Variants in CWC15 observed in about 807,000 individuals in gnomAD.
CWC15 encodes the protein spliceosome-associated protein CWC15 homolog.
A neutral mutation model predicts 28.4 loss-of-function variants in CWC15; 12 were observed. That is an observed-to-expected ratio of 0.42 (90% CI 0.27 to 0.69). The LOEUF (loss-of-function observed/expected upper bound fraction) is 0.69. Ranked by LOEUF, CWC15 falls within the 30% of genes least tolerant of loss-of-function variation. The pLI is 0.23. For missense variants in CWC15, 192 were observed against 271.5 expected, an observed-to-expected ratio of 0.71 and a Z score of 2.06; for synonymous variants, 92 against 88.4, an observed-to-expected ratio of 1.04 and a Z score of -0.23.
chr11:94,964,197 T>A (rs1002191139), intron 6 of CWC15, among the ~76,000 whole-genome samples: 3 of 152,062 alleles, frequency 2.0e-5, no homozygotes, highest in Non-Finnish European at 2.9e-5. Context: ...TTTCAGAATA[T>A]CACCTAGCAT....
At chr11:94,964,350 T>A (rs7930488) in intron 6 of CWC15, among the ~76,000 whole-genome samples, 75,675 of 151,826 alleles carry the variant, frequency 0.5, 19,132 homozygotes, top group Non-Finnish European at 0.53. Flanking sequence ...AAGTGCACAA[T>A]GAGCAACAAA....
chr11:94,964,316 C>T (rs587637094), intron 6 of CWC15, among the ~76,000 whole-genome samples: 1 of 152,144 alleles, frequency 6.6e-6, no homozygotes, highest in Non-Finnish European at 1.5e-5. Flanking sequence ...TCAGGAGAAA[C>T]TGCACATGGG....
At position 94,963,325 on chromosome 11, in the gene CWC15, A is replaced by T. The variant is rs112129296; in HGVS notation, c.*60T>A. The T allele has an allele frequency of 7.3e-7, 1 of 1,363,806 alleles. No homozygotes were observed. The highest frequency in any genetic ancestry group is 1.5e-5 in the African/African-American group (1 of 67,310). The allele number at this position is 1,363,806 out of a possible 1,614,324, so 84.5% of individuals were successfully genotyped here. ...AGGGGAAAAGAAAAAAAAAACTCAT[A>T]AAAAAAGTCAGAATGATCCTTTACG... On this transcript the variant is annotated 3_prime_UTR_variant, in exon 7 of 7. Transcript: ENST00000279839.
At position 94,971,386 on chromosome 11, in the gene CWC15, C is replaced by T. The variant is rs868936687; in HGVS notation, c.233G>A (p.Arg78His). The part of the protein sequence containing the change: ...RAAAREKNRD[R>H]PTREHTTSSS... ...GATAGTGTTGGTACCTCGGGTTGGA[C>T]GATCCCTATTTTTCTCTCTTGCAGC... is the stretch of plus-strand genomic sequence containing the variant. Residue 78 changes from arginine (R) to histidine (H), a missense_variant, in exon 3 of 7, where the codon CGT becomes CAT. Arg to His is a conservative substitution (Grantham distance 29). Coordinates refer to ENST00000279839, the MANE Select transcript of CWC15 (RefSeq NM_016403.4). The T allele has an allele frequency of 5.0e-6, 8 of 1,610,404 alleles. No individual in the cohort carries two copies. The highest frequency in any genetic ancestry group is 2.2e-5 in the South Asian group (2 of 90,418).
intron 6 of CWC15, among the ~76,000 whole-genome samples, chr11:94,964,045 A>T (rs1391020104): frequency 6.6e-6 from 1 of 152,200 alleles, no homozygotes; most frequent in Non-Finnish European, 1.5e-5. Flanking sequence ...GATATGGCCC[A>T]CATATACATT....
At chr11:94,966,191 T>C (rs782134199) in intron 6 of CWC15, 104 bp downstream of exon 6, 2 of 672,794 alleles carry the variant, frequency 3.0e-6, no homozygotes, top group African/African-American at 1.9e-5. Context: ...ATCCAACTTA[T>C]AATCTGCATG....
intron 5 of CWC15, among the ~76,000 whole-genome samples, chr11:94,969,645 CAG>C (rs1857691519): frequency 1.3e-5 from 2 of 152,132 alleles, no homozygotes; most frequent in South Asian, 4.1e-4. Context: ...AGTAGACAAG[CAG>C]AGAGATAATC....
chr11:94,963,204 T>C lies in CWC15; in HGVS notation c.*181A>G. ...CTGGAAACATTTGGAGAATGCAAAC[T>C]GGGTTAAACCTATTCCCAAGTCCAT... On this transcript the variant is annotated 3_prime_UTR_variant, in exon 7 of 7. Coordinates refer to ENST00000279839, the MANE Select transcript of CWC15 (RefSeq NM_016403.4). 1 of 399,288 alleles carries C rather than the reference T, an allele frequency of 2.5e-6. No homozygotes were observed. The highest frequency in any genetic ancestry group is 4.5e-5 in the Admixed American group (1 of 22,146). 24.7% of individuals were successfully genotyped at this position (399,288 alleles called of 1,614,324 possible).
chr11:94,966,161 T>C (rs1228026501), intron 6 of CWC15, 134 bp downstream of exon 6: 5 of 579,692 alleles, frequency 8.6e-6, no homozygotes, highest in Non-Finnish European at 1.5e-5. Flanking sequence ...TTTTAGAAGC[T>C]TTTTACAATG....
intron 1 of CWC15, 104 bp from the exon 2 acceptor site, chr11:94,972,297 C>T: frequency 3.6e-6 from 4 of 1,101,854 alleles, no homozygotes; most frequent in Non-Finnish European, 5.1e-6. Flanking sequence ...AAAACTCATT[C>T]CCCAAAACCT....
At chr11:94,969,134 CTTTT>C (rs1189283131) in intron 5 of CWC15, among the ~76,000 whole-genome samples, 2 of 152,150 alleles carry the variant, frequency 1.3e-5, no homozygotes, top group Non-Finnish European at 2.9e-5. Context: ...ACTCAACCTC[CTTTT>C]TTATTTTTTC....
At chr11:94,970,904 A>G (rs1270242611) in intron 4 of CWC15, 73 bp downstream of exon 4, 1 of 1,242,586 alleles carries the variant, frequency 8.0e-7, no homozygotes, top group Admixed American at 1.7e-5. Context: ...TTCTTAAAGC[A>G]AAGACATAAC....
chr11:94,966,464 A>C (rs1857644921), intron 5 of CWC15, 51 bp from the exon 6 acceptor site: 2 of 1,231,436 alleles, frequency 1.6e-6, no homozygotes, highest in Non-Finnish European at 2.3e-6. Flanking sequence ...CTCTGGGTTC[A>C]ATTTTTTTTA....
In CWC15 at chr11:94,962,716, A is replaced by G. The variant is rs910733982; in HGVS notation, c.*669T>C. ...GTGCATATTCAATCTCTTTCAAAGG[A>G]AACATGGCAGTTGAGTATCCAGAAC... On this transcript the variant is annotated 3_prime_UTR_variant, in exon 7 of 7. Transcript: ENST00000279839. 2 of 152,238 alleles carry G rather than the reference A, an allele frequency of 1.3e-5. No individual in the cohort carries two copies. The highest frequency in any genetic ancestry group is 2.9e-5 in the Non-Finnish European group (2 of 68,056). The allele number at this position is 152,238 out of a possible 1,614,324, so 9.4% of individuals were successfully genotyped here.
rs910733982 is a variant in CWC15 at position 94,962,716 on chromosome 11, A to C, written c.*669T>G. ...GTGCATATTCAATCTCTTTCAAAGG[A>C]AACATGGCAGTTGAGTATCCAGAAC... On this transcript the variant is annotated 3_prime_UTR_variant, in exon 7 of 7. Coordinates refer to ENST00000279839, the MANE Select transcript of CWC15 (RefSeq NM_016403.4). The C allele has an allele frequency of 1.3e-5, 2 of 152,238 alleles. No individual in the cohort carries two copies. Among genetic ancestry groups the C allele is most frequent in the Non-Finnish European group, 2.9e-5 (2 of 68,056 alleles). The allele number at this position is 152,238 out of a possible 1,614,324, so 9.4% of individuals were successfully genotyped here.
At chr11:94,964,885 C>T (rs1857616633) in intron 6 of CWC15, among the ~76,000 whole-genome samples, 1 of 152,248 alleles carries the variant, frequency 6.6e-6, no homozygotes, top group African/African-American at 2.4e-5. Flanking sequence ...TAGCTATACC[C>T]TTCCCTAGGT....
At position 94,966,236 on chromosome 11, in the gene CWC15, C is replaced by T. The variant is rs11020986; in HGVS notation, c.560+59G>A. 1,248 of 248,852 alleles carry T rather than the reference C, an allele frequency of 5.0e-3. 12 individuals carry two copies. Among genetic ancestry groups the T allele is most frequent in the African/African-American group, 0.034 (1,022 of 29,914 alleles). The allele number at this position is 248,852 out of a possible 1,614,324, so 15.4% of individuals were successfully genotyped here. A position where few individuals can be genotyped will look rare whatever the true frequency, so the allele number is the denominator to read the frequency against. On this transcript the variant is annotated intron_variant, in intron 6 of 6. Transcript: ENST00000279839. ...ATACACATACACATATACACACACA[C>T]ACACACACACACACACACACACACA...
chr11:94,970,170 G>A (rs943430831), intron 4 of CWC15, 74 bp from the exon 5 acceptor site: 32 of 628,658 alleles, frequency 5.1e-5, no homozygotes, highest in East Asian at 1.3e-4. Flanking sequence ...TATGTACAAC[G>A]TATCACCCTA....
At chr11:94,972,585 A>T (rs2134104712) in intron 1 of CWC15, among the ~76,000 whole-genome samples, 1 of 152,338 alleles carries the variant, frequency 6.6e-6, no homozygotes, top group African/African-American at 2.4e-5. Flanking sequence ...ACTGAGTTTT[A>T]AAAATTTCCA....
Sources: allele counts gnomAD v4.1 joint callset (sites outside exome capture counted in the v4.1 genomes callset), GRCh38; gene constraint gnomAD v4.1.1; transcripts MANE v1.5; gene names NCBI Gene and HGNC (gene_info 2026-07-23, HGNC 2026-07-21).